PDIA4: variants seen among roughly 807,000 people sequenced by gnomAD.
PDIA4 encodes the protein protein disulfide-isomerase A4.
In PDIA4, 33 loss-of-function variants were observed where a neutral mutation model predicts 62.1. The observed-to-expected ratio is 0.53, with a 90% CI of 0.40 to 0.71. The LOEUF (loss-of-function observed/expected upper bound fraction) is 0.71. Ranked by LOEUF, PDIA4 falls within the 30% of genes least tolerant of loss-of-function variation. The pLI, the probability that PDIA4 is intolerant of heterozygous loss-of-function variation, is 0.00. For missense variants in PDIA4, 804 were observed against 813.6 expected (o/e 0.99, Z 0.14); for synonymous variants, 341 against 324.1 (o/e 1.05, Z -0.56).
At position 149,019,267 on chromosome 7, in the gene PDIA4, A is replaced by G. The variant is rs1824259416; in HGVS notation, c.270-70T>C. The stretch of plus-strand genomic sequence containing the variant: ...TGGGATTTAAATCCAACAATAATAC[A>G]TACCACTTTGGTTTGGATGTGGTTT... On this transcript the variant is annotated intron_variant, in intron 2 of 9. Transcript: ENST00000652332. 22 of 1,096,040 alleles carry G rather than the reference A, an allele frequency of 2.0e-5. No individual in the cohort carries two copies. In the South Asian group the frequency reaches 2.5e-4, roughly 13 times the overall value. 67.9% of individuals were successfully genotyped at this position (1,096,040 alleles called of 1,614,324 possible).
chr7:149,005,032 AG>A, intron 9 of PDIA4, 108 bp downstream of exon 9: 2 of 801,356 alleles, frequency 2.5e-6, no homozygotes. Context: ...GGCTGACTTA[AG>A]GGGGTGTCGT....
intron 8 of PDIA4, 152 bp downstream of exon 8, chr7:149,005,745 A>G (rs1371051306): frequency 1.5e-5 from 9 of 591,810 alleles, no homozygotes; most frequent in Admixed American, 3.7e-5. Flanking sequence ...ATTAAAAAAT[A>G]TACCTGAGCC....
Position 149,013,823 on chromosome 7 carries a change from C to T in PDIA4, c.614+1081G>A, listed in dbSNP as rs139818947. 2.8e-3 allele frequency among the ~76,000 whole-genome samples: 428 copies of T among 152,326 alleles called. 2 individuals are homozygous for T. The highest frequency in any genetic ancestry group is 9.8e-3 in the African/African-American group (408 of 41,560). ...CACTTCAGGGAAATCGCACTACACT[C>T]GCTGAGCGTGCACTGTGCAGCAGTC... On this transcript the variant is annotated intron_variant, in intron 4 of 9. Transcript: ENST00000652332.
At chr7:149,024,797 C>T (rs112799047) in intron 1 of PDIA4, among the ~76,000 whole-genome samples, 9 of 137,050 alleles carry the variant, frequency 6.6e-5, no homozygotes, top group Non-Finnish European at 1.2e-4. Flanking sequence ...GCCTGGCGAC[C>T]GAGCAAGACT....
intron 6 of PDIA4, among the ~76,000 whole-genome samples, chr7:149,009,515 GCTGC>G (rs1197810007): frequency 6.6e-6 from 1 of 152,148 alleles, no homozygotes; most frequent in East Asian, 1.9e-4. Flanking sequence ...AAGTTGGTGG[GCTGC>G]CTGTTTGTGG....
intron 4 of PDIA4, among the ~76,000 whole-genome samples, chr7:149,014,481 T>G (rs1824060714): frequency 2.0e-5 from 3 of 152,094 alleles, no homozygotes; most frequent in Admixed American, 6.5e-5. Context: ...CCCTCTCCCT[T>G]GAGAGCCGTC....
At position 149,028,402 on chromosome 7, in the gene PDIA4, G is replaced by T. The variant is rs764963463; in HGVS notation, c.7C>A (p.Pro3Thr). Residue 3 changes from proline (P) to threonine (T), a missense_variant, in exon 1 of 10, where the codon CCC (proline) becomes ACC (threonine). By Grantham distance (38) the Pro-to-Thr change is conservative. Coordinates refer to ENST00000652332, the MANE Select transcript of PDIA4 (RefSeq NM_004911.5). ...AGCAGGAGCAGGAAGGCTTTCCGGG[G>T]CCTCATGGTAGCGGGGGCGGAGCGC... MR[P>T]RKAFLLLLLL... 2 of 1,514,522 alleles carry T rather than the reference G, an allele frequency of 1.3e-6. No homozygotes were observed. The highest frequency in any genetic ancestry group is 2.7e-5 in the East Asian group (1 of 36,880). The allele number at this position is 1,514,522 out of a possible 1,614,324, so 93.8% of individuals were successfully genotyped here. A position where few individuals can be genotyped will look rare whatever the true frequency, so the allele number is the denominator to read the frequency against.
rs376771722 is a variant in PDIA4 at position 149,006,008 on chromosome 7, C to G, written c.1177G>C (p.Ala393Pro). The G allele has an allele frequency of 2.6e-6, 4 of 1,554,728 alleles. No homozygotes were observed. The highest frequency in any genetic ancestry group is 3.5e-6 in the Non-Finnish European group (4 of 1,158,096). ...SAIKDFVLKYALPLVGHRKVS... is the reference protein window; with the variant it reads ...SAIKDFVLKYPLPLVGHRKVS... ...TTGCGGTGGCCAACCAGGGGCAGGG[C>G]GTACTTCAGCACGAAGTCCTTGATG... Residue 393 changes from alanine to proline, a missense_variant, in exon 8 of 10, where the codon GCC (alanine) becomes CCC (proline). Physicochemically the swap from Ala to Pro is conservative, Grantham distance 27. Transcript: ENST00000652332.
chr7:149,025,566 G>A (rs762695886), intron 1 of PDIA4, among the ~76,000 whole-genome samples: 5 of 152,258 alleles, frequency 3.3e-5, no homozygotes, highest in Admixed American at 1.3e-4. Flanking sequence ...TGTATTACAC[G>A]TTATATTGTA....
intron 6 of PDIA4, among the ~76,000 whole-genome samples, chr7:149,009,009 T>G (rs995862781): frequency 1.3e-4 from 19 of 150,584 alleles, no homozygotes; most frequent in African/African-American, 4.6e-4. Context: ...CACTGCAGTC[T>G]CTGTTTTCCA....
At chr7:149,027,747 T>C (rs1379341841) in intron 1 of PDIA4, 2 of 419,084 alleles carry the variant, frequency 4.8e-6, no homozygotes, top group South Asian at 1.8e-5. Context: ...ACACAGTAAA[T>C]GCTAAATGCA....
chr7:149,009,556 G>C (rs1823874234), intron 6 of PDIA4, among the ~76,000 whole-genome samples: 1 of 152,186 alleles, frequency 6.6e-6, no homozygotes, highest in Non-Finnish European at 1.5e-5. Context: ...AAGTTCTTTG[G>C]CTAAAGATAC....
At chr7:149,007,601 G>C (rs1823807624) in intron 7 of PDIA4, among the ~76,000 whole-genome samples, 1 of 152,220 alleles carries the variant, frequency 6.6e-6, no homozygotes, top group African/African-American at 2.4e-5. Context: ...GGTTCCCCTT[G>C]GGCTGGGAAC....
intron 8 of PDIA4, 41 bp from the exon 9 acceptor site, chr7:149,005,415 A>G (rs1823719070): frequency 1.6e-6 from 2 of 1,275,686 alleles, no homozygotes; most frequent in Non-Finnish European, 2.3e-6. Flanking sequence ...GGCCACACAG[A>G]GCAAGTCCCA....
rs1310935251 is a variant in PDIA4 at position 149,028,227 on chromosome 7, G to A, written c.88+94C>T. The stretch of plus-strand genomic sequence containing the variant: ...CACTAGTTCTGGAGCTGACCGCGCG[G>A]AAGCCCGCCCGCCGGGGTCGCAGGG... On this transcript the variant is annotated intron_variant, in intron 1 of 9. Coordinates refer to ENST00000652332, the MANE Select transcript of PDIA4 (RefSeq NM_004911.5). 6.4e-6 allele frequency: 6 copies of A among 934,358 alleles called. No homozygotes were observed. In the East Asian group the frequency reaches 1.6e-4, roughly 26 times the overall value. The allele number at this position is 934,358 out of a possible 1,614,324, so 57.9% of individuals were successfully genotyped here.
Position 149,021,162 on chromosome 7 carries a change from C to T in PDIA4, c.89-15G>A. On this transcript the variant is annotated splice_polypyrimidine_tract_variant and intron_variant, in intron 1 of 9. Coordinates refer to ENST00000652332, the MANE Select transcript of PDIA4 (RefSeq NM_004911.5). ...GTTAGAAGAATCTGAGTGGAAAACA[C>T]CCAGACTGGTTACAAAGCTGGTGGT... 6.4e-7 allele frequency: 1 copy of T among 1,562,822 alleles called. No homozygotes were observed. Among genetic ancestry groups the T allele is most frequent in the Non-Finnish European group, 8.7e-7 (1 of 1,154,044 alleles).
rs1317901842 is a variant in PDIA4, at chr7:149,028,490, C to T, written c.-82G>A. The stretch of plus-strand genomic sequence containing the variant: ...ACTCGGGGTCTGGCCGACAGCCCGT[C>T]GCTCCTTAGCGACGCGGGGGAGCCG... On this transcript the variant is annotated 5_prime_UTR_variant, in exon 1 of 10. Transcript: ENST00000652332. 5 of 965,150 alleles carry T rather than the reference C, an allele frequency of 5.2e-6. No homozygotes were observed. The highest frequency in any genetic ancestry group is 7.2e-6 in the Non-Finnish European group (5 of 690,336). 59.8% of individuals were successfully genotyped at this position (965,150 alleles called of 1,614,324 possible).
intron 7 of PDIA4, among the ~76,000 whole-genome samples, chr7:149,007,840 G>T (rs915749231): frequency 6.6e-6 from 1 of 152,266 alleles, no homozygotes; most frequent in African/African-American, 2.4e-5. Context: ...CAGTGGAACA[G>T]GCACTGGAGG....
intron 4 of PDIA4, among the ~76,000 whole-genome samples, chr7:149,013,342 T>C (rs998578700): frequency 3.8e-4 from 58 of 152,294 alleles, no homozygotes; most frequent in African/African-American, 1.4e-3. Flanking sequence ...TCAAAGTCCT[T>C]AGGACACCCA....
Sources: gnomAD v4.1 joint callset for allele counts (sites outside exome capture counted in the v4.1 genomes callset) on GRCh38, gnomAD v4.1.1 for gene constraint, MANE v1.5 for transcripts, NCBI Gene and HGNC (gene_info 2026-07-23, HGNC 2026-07-21) for gene names.